The following RBFOX1 variants were observed in gnomAD, a reference collection of about 807,000 sequenced individuals.
The protein encoded by RBFOX1 is RNA binding protein fox-1 homolog 1.
A neutral mutation model predicts 57.7 loss-of-function variants in RBFOX1; 8 were observed. The observed-to-expected ratio is 0.14, with a 90% CI of 0.08 to 0.25. The LOEUF (loss-of-function observed/expected upper bound fraction) is 0.25. Ranked by LOEUF, RBFOX1 falls within the 10% of genes least tolerant of loss-of-function variation. The probability of loss-of-function intolerance (pLI) is 1.00; values close to 1 mark genes in which losing one functional copy is unlikely to be tolerated. For missense variants in RBFOX1, 611 were observed against 548.5 expected (o/e 1.11, Z -1.14); for synonymous variants, 326 against 222.4 (o/e 1.47, Z -4.15).
rs1296840867 is a variant in RBFOX1, at chr16:6,450,810, T to TAC, written c.-64+133754_-64+133755insCA. On this transcript the variant is annotated intron_variant, in intron 2 of 15. Transcript: ENST00000550418. ...ATATACATATATATATGTATATATA[T>TAC]ATATATACATATATATATATATATA... Among the ~76,000 whole-genome samples, 337 of 18,836 alleles carry TAC rather than the reference T, an allele frequency of 0.018. 62 individuals carry two copies. The East Asian group carries it at 0.39, about 22-fold the overall frequency. 12.4% of individuals were successfully genotyped at this position (18,836 alleles called of 152,430 possible).
chr16:6,768,129 A>G (rs1312164609), intron 3 of RBFOX1, among the ~76,000 whole-genome samples: 1 of 151,300 alleles, frequency 6.6e-6, no homozygotes, highest in East Asian at 2.0e-4. Flanking sequence ...CCCCCGAGGC[A>G]GAGGTTGCAG....
intron 4 of RBFOX1, among the ~76,000 whole-genome samples, chr16:7,429,072 T>C (rs779605123): frequency 3.3e-5 from 5 of 152,168 alleles, no homozygotes; most frequent in Non-Finnish European, 7.3e-5. Flanking sequence ...GAAATGAATG[T>C]GTGGAAGTGG....
chr16:6,994,256 T>G (rs2091938355), intron 3 of RBFOX1, among the ~76,000 whole-genome samples: 1 of 152,178 alleles, frequency 6.6e-6, no homozygotes, highest in African/African-American at 2.4e-5. Flanking sequence ...AGCACAGTTT[T>G]ATCTAATGGA....
chr16:7,161,760 A>G (rs2078372793), intron 4 of RBFOX1, among the ~76,000 whole-genome samples: 1 of 152,364 alleles, frequency 6.6e-6, no homozygotes, highest in African/African-American at 2.4e-5. Flanking sequence ...TCTTGCAAGA[A>G]TACAAACCAA....
At chr16:7,638,902 G>C (rs1358314586) in intron 11 of RBFOX1, among the ~76,000 whole-genome samples, 1 of 152,122 alleles carries the variant, frequency 6.6e-6, no homozygotes, top group Non-Finnish European at 1.5e-5. Flanking sequence ...TGGCTGCTTG[G>C]GGGTGGAAAT....
intron 3 of RBFOX1, among the ~76,000 whole-genome samples, chr16:6,812,613 T>C (rs183573896): frequency 1.1e-3 from 162 of 152,172 alleles, no homozygotes; most frequent in African/African-American, 3.4e-3. Flanking sequence ...CTGACCTCAA[T>C]TGATCCACCC....
At chr16:7,350,560 T>G (rs2097110024) in intron 4 of RBFOX1, among the ~76,000 whole-genome samples, 1 of 152,024 alleles carries the variant, frequency 6.6e-6, no homozygotes, top group African/African-American at 2.4e-5. Context: ...CTCTGGAAAG[T>G]GGGAGGAGGA....
At chr16:5,317,702 T>C (rs570045539) in intron 1 of RBFOX1, among the ~76,000 whole-genome samples, 12 of 152,276 alleles carry the variant, frequency 7.9e-5, no homozygotes, top group African/African-American at 2.6e-4. Flanking sequence ...TCAAGAAATG[T>C]TTGTTTTCTT....
chr16:6,831,272 G>A (rs2092690405), intron 3 of RBFOX1, among the ~76,000 whole-genome samples: 1 of 152,158 alleles, frequency 6.6e-6, no homozygotes. Context: ...GCTCACCCAG[G>A]TCTTATAGTC....
chr16:6,662,396 G>C (rs926063449), intron 3 of RBFOX1, among the ~76,000 whole-genome samples: 1 of 152,098 alleles, frequency 6.6e-6, no homozygotes, highest in African/African-American at 2.4e-5. Flanking sequence ...TTAAATATAT[G>C]CAATTTTTGT....
intron 4 of RBFOX1, among the ~76,000 whole-genome samples, chr16:6,013,970 G>T (rs2094977689): frequency 6.6e-6 from 1 of 151,186 alleles, no homozygotes; most frequent in African/African-American, 2.4e-5. Flanking sequence ...TGTGGGATGG[G>T]GGGAGGGGGG....
At chr16:6,922,903 A>C (rs1485244963) in intron 3 of RBFOX1, among the ~76,000 whole-genome samples, 3 of 152,192 alleles carry the variant, frequency 2.0e-5, no homozygotes, top group African/African-American at 7.2e-5. Flanking sequence ...AAGGGGGTCT[A>C]TATGTCTGTA....
At chr16:6,292,649 C>G (rs1305837986) in intron 1 of RBFOX1, among the ~76,000 whole-genome samples, 2 of 152,112 alleles carry the variant, frequency 1.3e-5, no homozygotes, top group Admixed American at 1.3e-4. Context: ...TTTCTGTAGT[C>G]AGACTGATTT....
At chr16:5,462,696 C>T (rs1357143396) in intron 1 of RBFOX1, among the ~76,000 whole-genome samples, 3 of 152,046 alleles carry the variant, frequency 2.0e-5, no homozygotes, top group Non-Finnish European at 2.9e-5. Context: ...TTCTACGCAC[C>T]TGTTAGGAAA....
At chr16:6,032,761 T>A (rs945809227) in intron 1 of RBFOX1, among the ~76,000 whole-genome samples, 18 of 152,188 alleles carry the variant, frequency 1.2e-4, no homozygotes, top group African/African-American at 4.3e-4. Flanking sequence ...AGGCAACGTT[T>A]TTTAGGTTTG....
At chr16:5,972,066 G>T (rs1448517221) in intron 4 of RBFOX1, among the ~76,000 whole-genome samples, 1 of 152,216 alleles carries the variant, frequency 6.6e-6, no homozygotes, top group Non-Finnish European at 1.5e-5. Context: ...TCTGCAGCCT[G>T]CTGCCTTCAG....
intron 3 of RBFOX1, among the ~76,000 whole-genome samples, chr16:6,866,988 C>G (rs1229822275): frequency 3.4e-5 from 5 of 149,000 alleles, no homozygotes; most frequent in Non-Finnish European, 5.9e-5. Flanking sequence ...AGAAAACCCT[C>G]TAGTCAGAGT....
chr16:6,097,068 A>T lies in RBFOX1; in HGVS notation c.-127+77076A>T, dbSNP rs771787412. 6.6e-6 allele frequency among the ~76,000 whole-genome samples: 1 copy of T among 152,198 alleles called. No homozygotes were observed. The highest frequency in any genetic ancestry group is 1.9e-4 in the East Asian group (1 of 5,170). ...GAATCATGGGGGTGGTTTCCCCCATACTGTTGTCATGGTGGTGAGTAAGTC... is the reference window on the plus strand; with the variant it reads ...GAATCATGGGGGTGGTTTCCCCCATTCTGTTGTCATGGTGGTGAGTAAGTC... On this transcript the variant is annotated intron_variant, in intron 1 of 15. Coordinates refer to ENST00000550418, the MANE Select transcript of RBFOX1 (RefSeq NM_018723.4). This position sits in a 1 kb window ranked among gnomAD's most constrained non-coding sequence, Gnocchi z 5.0.
chr16:6,852,584 T>C (rs8062094), intron 3 of RBFOX1, among the ~76,000 whole-genome samples: 116,385 of 152,140 alleles, frequency 0.76, 45,335 homozygotes, highest in East Asian at 0.9. Flanking sequence ...AAGGTGCATG[T>C]TGGAAACTAG....
Sources: gnomAD v4.1 joint callset for allele counts (sites outside exome capture counted in the v4.1 genomes callset) on GRCh38, gnomAD v4.1.1 for gene constraint, Gnocchi (gnomAD v3.1) non-coding constraint, MANE v1.5 for transcripts, NCBI Gene and HGNC (gene_info 2026-07-23, HGNC 2026-07-21) for gene names.